The following H2BC12 variants were observed in gnomAD, a reference collection of about 807,000 sequenced individuals.
H2BC12 encodes H2B clustered histone 12.
A neutral mutation model predicts 6.3 loss-of-function variants in H2BC12; 6 were observed. The observed-to-expected ratio is 0.95, with a 90% confidence interval of 0.52 to 1.87. The LOEUF is 1.87. Ranked by LOEUF, H2BC12 falls within the 40% of genes most tolerant of loss-of-function variation. The pLI, the probability that H2BC12 is intolerant of heterozygous loss-of-function variation, is 0.01. For synonymous variants in H2BC12, 132 were observed against 78.5 expected, an observed-to-expected ratio of 1.68 and a Z score of -3.60; for missense variants, 119 against 178.4, an observed-to-expected ratio of 0.67 and a Z score of 1.90.
downstream of H2BC12, chr6:27,146,306 C>T: frequency 2.6e-6 from 4 of 1,537,904 alleles, no homozygotes; most frequent in South Asian, 3.6e-5. Context: ...AAAAAGATCG[C>T]CCGAATTTAA....
the H2BC12 span, chr6:27,139,608 C>T: frequency 1.9e-6 from 3 of 1,609,418 alleles, no homozygotes; most frequent in Non-Finnish European, 2.5e-6. Flanking sequence ...CCCTCTATGG[C>T]TTCGGCGGCT....
chr6:27,146,607 G>A lies in H2BC12; in HGVS notation c.192C>T (p.Asn64=), dbSNP rs143825978. Residue 64 remains asparagine, a synonymous_variant, in exon 1 of 1, where the codon AAC becomes AAT. Transcript: ENST00000356950. ...GISSKAMGIM[N]SFVNDIFERI... ...GTTCGAAGATGTCGTTGACGAAGGA[G>A]TTCATGATTCCCATGGCCTTAGAGG... 259 of 1,614,284 alleles carry A rather than the reference G, an allele frequency of 1.6e-4. No homozygotes were observed. In the Middle Eastern group the frequency reaches 2.1e-3, roughly 13 times the overall value.
At chr6:27,139,078 A>G in the H2BC12 span, 2 of 461,300 alleles carry the variant, frequency 4.3e-6, no homozygotes, top group South Asian at 9.5e-5. Context: ...GGCAGGAATC[A>G]TGTTAAATGA....
At chr6:27,143,003 C>CA (rs1419013725), downstream of H2BC12, among the ~76,000 whole-genome samples, 2 of 151,716 alleles carry the variant, frequency 1.3e-5, no homozygotes, top group African/African-American at 4.8e-5. Flanking sequence ...ACAATAAAGA[C>CA]AAAAAAATCC....
At chr6:27,141,820 G>A (rs963052619), downstream of H2BC12, among the ~76,000 whole-genome samples, 1 of 152,210 alleles carries the variant, frequency 6.6e-6, no homozygotes, top group Non-Finnish European at 1.5e-5. Flanking sequence ...AACCGTAGTA[G>A]GTGGTGATGC....
the H2BC12 span, chr6:27,139,520 T>G: frequency 6.2e-7 from 1 of 1,605,296 alleles, no homozygotes; most frequent in Non-Finnish European, 8.5e-7. Context: ...CGGGACGCCG[T>G]GACCTACACG....
At chr6:27,142,029 C>T (rs938131554), downstream of H2BC12, among the ~76,000 whole-genome samples, 3 of 152,120 alleles carry the variant, frequency 2.0e-5, 1 homozygote, top group Non-Finnish European at 4.4e-5. Context: ...AATTAGATAG[C>T]ATTCAAGTAT....
downstream of H2BC12, among the ~76,000 whole-genome samples, chr6:27,144,952 C>T (rs903122267): frequency 6.6e-6 from 1 of 151,986 alleles, no homozygotes; most frequent in African/African-American, 2.4e-5. Flanking sequence ...TGCTACCACG[C>T]CCCCCCTAAT....
chr6:27,144,397 G>A, downstream of H2BC12, among the ~76,000 whole-genome samples: 1 of 147,446 alleles, frequency 6.8e-6, no homozygotes, highest in East Asian at 2.1e-4. Context: ...GGGAGGCGGA[G>A]GTTGCAGTGA....
At position 27,146,721 on chromosome 6, in the gene H2BC12, G is replaced by C. The variant is rs754166841; in HGVS notation, c.78C>G (p.Asp26Glu). The C allele has an allele frequency of 6.2e-7, 1 of 1,614,108 alleles. No individual in the cohort carries two copies. The highest frequency in any genetic ancestry group is 1.3e-5 in the African/African-American group (1 of 74,946). ...KKAVTKAQKK[D>E]GKKRKRSRKE... ...TGCGGCTGCGCTTGCGCTTCTTGCC[G>C]TCCTTCTTCTGCGCCTTAGTCACGG... Residue 26 changes from aspartate to glutamate, a missense_variant, in exon 1 of 1, where the codon GAC (aspartate) becomes GAG (glutamate). Asp to Glu is a conservative substitution (Grantham distance 45). Transcript: ENST00000356950.
downstream of H2BC12, among the ~76,000 whole-genome samples, chr6:27,141,650 G>A (rs560237517): frequency 4.3e-4 from 66 of 152,270 alleles, 1 homozygote; most frequent in African/African-American, 1.6e-3. Context: ...ATCCCAATTG[G>A]AATGAATTAT....
downstream of H2BC12, among the ~76,000 whole-genome samples, chr6:27,144,334 C>T (rs374889203): frequency 3.3e-5 from 5 of 151,768 alleles, no homozygotes; most frequent in East Asian, 5.8e-4. Context: ...TGGTGGCAGG[C>T]ACTTGTAATA....
the H2BC12 span, chr6:27,138,859 C>A: frequency 1.3e-5 from 2 of 152,956 alleles, no homozygotes; most frequent in African/African-American, 4.8e-5. Flanking sequence ...AGCAATATAC[C>A]TGAACGATCT....
chr6:27,141,956 CTGAGGG>C (rs1760011675), downstream of H2BC12, among the ~76,000 whole-genome samples: 2 of 152,150 alleles, frequency 1.3e-5, no homozygotes, highest in Non-Finnish European at 2.9e-5. Flanking sequence ...TGGCATGTGA[CTGAGGG>C]AGTAAGTGTT....
chr6:27,145,295 T>TACACACACACACACACACAC (rs57882884), downstream of H2BC12, among the ~76,000 whole-genome samples: 17 of 142,614 alleles, frequency 1.2e-4, no homozygotes, highest in African/African-American at 4.4e-4. Context: ...ATATGTTAAA[T>TACACACACACACACACACAC]ACACACACAC....
downstream of H2BC12, chr6:27,146,337 T>C (rs1760080003): frequency 1.3e-6 from 2 of 1,593,378 alleles, no homozygotes; most frequent in Non-Finnish European, 1.7e-6. Flanking sequence ...GGAACACGTG[T>C]TTACAGCTCT....
chr6:27,139,936 G>C, the H2BC12 span: 5 of 329,288 alleles, frequency 1.5e-5, no homozygotes, highest in Non-Finnish European at 2.9e-5. Context: ...GTCCAAATAG[G>C]GGCGGGCTAG....
At chr6:27,139,647 C>CT in the H2BC12 span, 1 of 1,579,244 alleles carries the variant, frequency 6.3e-7, no homozygotes, top group Non-Finnish European at 8.6e-7. Context: ...CAGTCATTCT[C>CT]TAAAAAGGCC....
chr6:27,146,529 G>A lies in H2BC12; in HGVS notation c.270C>T (p.Ile90=), dbSNP rs770453113. 9 of 1,614,148 alleles carry A rather than the reference G, an allele frequency of 5.6e-6. No homozygotes were observed. Among genetic ancestry groups the A allele is most frequent in the Non-Finnish European group, 5.9e-6 (7 of 1,180,060 alleles). The change falls in exon 1 of 1, where the codon ATC becomes ATT. Residue 90 remains isoleucine (I), a synonymous_variant. Transcript: ENST00000356950. ...CGGCCGTCTGGATCTCCCTGGAGGT[G>A]ATGGTCGAGCGCTTGTTGTAATGCG... is the stretch of plus-strand genomic sequence containing the variant. ...RLAHYNKRST[I]TSREIQTAVR...
Sources: gnomAD v4.1 joint callset for allele counts (sites outside exome capture counted in the v4.1 genomes callset) on GRCh38, gnomAD v4.1.1 for gene constraint, MANE v1.5 for transcripts, NCBI Gene and HGNC (gene_info 2026-07-23, HGNC 2026-07-21) for gene names.